The following CTNNA3 variants were observed in gnomAD, a reference collection of about 807,000 sequenced individuals.
The protein encoded by CTNNA3 is catenin alpha-3.
A neutral mutation model predicts 95.7 loss-of-function variants in CTNNA3; 76 were observed. The ratio of observed to expected loss-of-function variants is 0.79; its 90% CI spans 0.66 to 0.96. CTNNA3 has a LOEUF of 0.96. Ranked by LOEUF, CTNNA3 falls within the 40% of genes least tolerant of loss-of-function variation. CTNNA3 has a pLI of 0.00. For synonymous variants in CTNNA3, 431 were observed against 374.4 expected (o/e 1.15, Z -1.74); for missense variants, 1,191 against 1,089.8 (o/e 1.09, Z -1.31).
At position 66,187,558 on chromosome 10, in the gene CTNNA3, G is replaced by A. The variant is rs999955408; in HGVS notation, c.1885-84309C>T. On this transcript the variant is annotated intron_variant, in intron 13 of 17. Transcript: ENST00000433211. The stretch of plus-strand genomic sequence containing the variant: ...AAGTGGTGTTGCAAGCAGCCTGACT[G>A]GGAATTGAAGGTGTACCACAACGTG... Among the ~76,000 whole-genome samples the A allele has an allele frequency of 2.0e-5, 3 of 151,672 alleles. No individual in the cohort carries two copies. In the Admixed American group the frequency reaches 2.0e-4, roughly 10 times the overall value.
At chr10:67,223,624 G>A (rs1189448016) in intron 5 of CTNNA3, among the ~76,000 whole-genome samples, 3 of 152,182 alleles carry the variant, frequency 2.0e-5, no homozygotes, top group Non-Finnish European at 2.9e-5. Context: ...TAACATATGA[G>A]TTTTAACCCT....
At chr10:66,081,295 T>C (rs2080750598) in intron 14 of CTNNA3, among the ~76,000 whole-genome samples, 1 of 151,904 alleles carries the variant, frequency 6.6e-6, no homozygotes, top group Admixed American at 6.6e-5. Context: ...AAGTAATTGC[T>C]CAAAAAAGAA....
intron 5 of CTNNA3, among the ~76,000 whole-genome samples, chr10:67,465,232 A>T (rs1847542576): frequency 6.6e-6 from 1 of 152,048 alleles, no homozygotes; most frequent in Non-Finnish European, 1.5e-5. Context: ...ACAGAATTTT[A>T]TTTTTTTAAA....
intron 5 of CTNNA3, among the ~76,000 whole-genome samples, chr10:67,221,312 T>TA (rs1202712013): frequency 6.6e-6 from 1 of 151,970 alleles, no homozygotes; most frequent in African/African-American, 2.4e-5. Flanking sequence ...AAGCTTAAGT[T>TA]AAAAAAAACT....
At chr10:67,077,249 C>A (rs564909720) in intron 7 of CTNNA3, among the ~76,000 whole-genome samples, 30 of 152,296 alleles carry the variant, frequency 2.0e-4, no homozygotes, top group Admixed American at 2.0e-3. Flanking sequence ...TCCCTCCTCT[C>A]CAGAATGAAC....
rs1843512250 is a variant in CTNNA3, at chr10:67,612,957, T to C, written c.100-5908A>G. 2.6e-5 allele frequency among the ~76,000 whole-genome samples: 4 copies of C among 152,306 alleles called. No individual in the cohort carries two copies. In the South Asian group the frequency reaches 8.3e-4, roughly 32 times the overall value. ...TCACTGCCTCTGCACCAGCCCTACA[T>C]TCCCACTAGAGCCGTCTCTTGAAAA... On this transcript the variant is annotated intron_variant, in intron 2 of 17. Transcript: ENST00000433211.
At chr10:67,711,625 C>T (rs1034804438) in intron 1 of CTNNA3, among the ~76,000 whole-genome samples, 2 of 151,466 alleles carry the variant, frequency 1.3e-5, no homozygotes, top group South Asian at 4.2e-4. Flanking sequence ...GGTACATGTG[C>T]ACATTGTGCA....
intron 11 of CTNNA3, among the ~76,000 whole-genome samples, chr10:66,464,872 G>A (rs769513112): frequency 2.4e-4 from 36 of 151,616 alleles, no homozygotes; most frequent in African/African-American, 5.1e-4. Flanking sequence ...TGAAGTTGGC[G>A]GCCAGCCTCA....
chr10:66,029,798 A>G (rs1373933253), intron 15 of CTNNA3, among the ~76,000 whole-genome samples: 1 of 152,200 alleles, frequency 6.6e-6, no homozygotes, highest in Non-Finnish European at 1.5e-5. Context: ...TATTTATTGA[A>G]TGAGTAGATA....
At chr10:66,685,336 T>TATATATAC in intron 9 of CTNNA3, among the ~76,000 whole-genome samples, 1 of 83,588 alleles carries the variant, frequency 1.2e-5, no homozygotes, top group Non-Finnish European at 2.3e-5. Flanking sequence ...TATATATATA[T>TATATATAC]ATATATATAT....
intron 3 of CTNNA3, among the ~76,000 whole-genome samples, chr10:67,545,770 G>A (rs949795129): frequency 2.6e-5 from 4 of 152,228 alleles, no homozygotes; most frequent in South Asian, 2.1e-4. Context: ...TAAGTTATGC[G>A]TTTGTGTGTG....
intron 3 of CTNNA3, among the ~76,000 whole-genome samples, chr10:67,603,131 G>A (rs58855815): frequency 6.6e-6 from 1 of 151,996 alleles, no homozygotes; most frequent in Non-Finnish European, 1.5e-5. Flanking sequence ...AGTCTGTAAG[G>A]ACACAGAAGA....
intron 3 of CTNNA3, among the ~76,000 whole-genome samples, chr10:67,596,555 AATTTCT>A (rs1485565249): frequency 6.6e-6 from 1 of 152,002 alleles, no homozygotes; most frequent in Non-Finnish European, 1.5e-5. Flanking sequence ...TCCTGGTTGG[AATTTCT>A]TTTCTTCAAG....
intron 13 of CTNNA3, among the ~76,000 whole-genome samples, chr10:66,153,545 A>C (rs2084317683): frequency 6.6e-6 from 1 of 151,878 alleles, no homozygotes; most frequent in Non-Finnish European, 1.5e-5. Flanking sequence ...AGACATGCTC[A>C]ATTCACCTGT....
chr10:67,649,671 A>G (rs952458267), intron 1 of CTNNA3, among the ~76,000 whole-genome samples: 2 of 152,196 alleles, frequency 1.3e-5, no homozygotes, highest in Non-Finnish European at 2.9e-5. Flanking sequence ...AGTATTCCTG[A>G]CTGATTGGAA....
chr10:67,258,537 T>C (rs1866453457), intron 5 of CTNNA3, among the ~76,000 whole-genome samples: 1 of 152,172 alleles, frequency 6.6e-6, no homozygotes, highest in African/African-American at 2.4e-5. Context: ...TAGAGAACTT[T>C]CATGGCACTT....
At chr10:66,546,001 T>C (rs1200614788) in intron 10 of CTNNA3, among the ~76,000 whole-genome samples, 1 of 151,108 alleles carries the variant, frequency 6.6e-6, no homozygotes, top group Non-Finnish European at 1.5e-5. Flanking sequence ...AAACTCATTG[T>C]CAGTTAAGTA....
chr10:66,695,399 A>G (rs145924021), intron 9 of CTNNA3, among the ~76,000 whole-genome samples: 1 of 152,304 alleles, frequency 6.6e-6, no homozygotes, highest in Non-Finnish European at 1.5e-5. Context: ...CTTGGACCTT[A>G]GCTCCCTCAC....
At chr10:65,924,612 C>G (rs950656153) in intron 17 of CTNNA3, among the ~76,000 whole-genome samples, 11 of 151,758 alleles carry the variant, frequency 7.2e-5, no homozygotes, top group African/African-American at 2.4e-4. Context: ...GCTCACTTCT[C>G]TCTCTACTAC....
Sources: allele counts gnomAD v4.1 joint callset (sites outside exome capture counted in the v4.1 genomes callset), GRCh38; gene constraint gnomAD v4.1.1; transcripts MANE v1.5; gene names NCBI Gene and HGNC (gene_info 2026-07-23, HGNC 2026-07-21).